The following SV2C variants were observed in gnomAD, a reference collection of about 807,000 sequenced individuals.
SV2C encodes the protein solute carrier family 22 member B3.
In SV2C, 49 loss-of-function variants were observed where a neutral mutation model predicts 79.7. The observed-to-expected ratio is 0.61, with a 90% CI of 0.49 to 0.78. SV2C has a LOEUF of 0.78. Among genes scored for constraint, SV2C ranks in the 30% least tolerant of loss-of-function variants. The pLI, the probability that SV2C is intolerant of heterozygous loss-of-function variation, is 0.00. For missense variants in SV2C, 833 were observed against 912.9 expected, an observed-to-expected ratio of 0.91 and a Z score of 1.13; for synonymous variants, 334 against 333.2, an observed-to-expected ratio of 1.00 and a Z score of -0.03.
chr5:76,075,428 C>G, the SV2C span: 1 of 153,348 alleles, frequency 6.5e-6, no homozygotes, highest in African/African-American at 2.4e-5. Context: ...TGAGCCCATT[C>G]CCTAAAGCCC....
At chr5:76,183,115 C>A (rs1323806115) in intron 2 of SV2C, among the ~76,000 whole-genome samples, 1 of 145,108 alleles carries the variant, frequency 6.9e-6, no homozygotes, top group Non-Finnish European at 1.5e-5. Flanking sequence ...TGGCTCACTG[C>A]ACCCTCCACC....
At chr5:76,061,470 TTAATTTCTAA>T in the SV2C span, among the ~76,000 whole-genome samples, 1 of 152,064 alleles carries the variant, frequency 6.6e-6, no homozygotes. Context: ...TTTCCCCATA[TTAATTTCTAA>T]TAATTTCTCA....
At chr5:76,092,737 G>A (rs1025917903) in intron 1 of SV2C, among the ~76,000 whole-genome samples, 19 of 152,138 alleles carry the variant, frequency 1.2e-4, no homozygotes, top group South Asian at 4.1e-4. Context: ...CTGTGGGCTG[G>A]GAATGTTCTC....
chr5:75,898,044 AT>A, the SV2C span, among the ~76,000 whole-genome samples: 1 of 151,974 alleles, frequency 6.6e-6, no homozygotes, highest in South Asian at 2.1e-4. Context: ...TCTTTTCCTA[AT>A]TGAATACCCT....
At chr5:75,955,114 T>A in the SV2C span, among the ~76,000 whole-genome samples, 1,489 of 148,850 alleles carry the variant, frequency 0.01, 36 homozygotes, top group African/African-American at 0.036. Context: ...AGAACAAAGC[T>A]GGAGGCATCA....
the SV2C span, among the ~76,000 whole-genome samples, chr5:76,003,435 A>G: frequency 6.6e-6 from 1 of 152,216 alleles, no homozygotes; most frequent in Non-Finnish European, 1.5e-5. Flanking sequence ...TATTATTATA[A>G]TAATTGCATT....
At chr5:75,975,905 G>T in the SV2C span, among the ~76,000 whole-genome samples, 1 of 152,140 alleles carries the variant, frequency 6.6e-6, no homozygotes, top group Non-Finnish European at 1.5e-5. Context: ...GAGAGAAGAA[G>T]CAGAGATTAT....
chr5:76,154,038 G>A (rs960413602), intron 2 of SV2C, among the ~76,000 whole-genome samples: 29 of 152,178 alleles, frequency 1.9e-4, no homozygotes, highest in African/African-American at 6.8e-4. Flanking sequence ...TGGACTACAA[G>A]GTAAAGAAAG....
intron 4 of SV2C, among the ~76,000 whole-genome samples, chr5:76,223,444 CATATATATAT>C (rs70979384): frequency 0.1 from 4,784 of 45,694 alleles, 197 homozygotes; most frequent in Non-Finnish European, 0.14. Context: ...TACATACATA[CATATATATAT>C]ATATATATAT....
chr5:76,155,382 TC>T (rs1462778572), intron 2 of SV2C, among the ~76,000 whole-genome samples: 1 of 152,118 alleles, frequency 6.6e-6, no homozygotes, highest in Non-Finnish European at 1.5e-5. Flanking sequence ...CCACTTTTCT[TC>T]CCCCACTCCA....
the SV2C span, among the ~76,000 whole-genome samples, chr5:75,916,940 C>A: frequency 6.6e-6 from 1 of 152,180 alleles, no homozygotes. Flanking sequence ...TGGACAAATA[C>A]CCCAACCTCC....
chr5:76,045,482 G>A, the SV2C span, among the ~76,000 whole-genome samples: 7 of 152,110 alleles, frequency 4.6e-5, no homozygotes, highest in African/African-American at 1.7e-4. Flanking sequence ...GAATAGCATT[G>A]AAACTATAAA....
intron 2 of SV2C, among the ~76,000 whole-genome samples, chr5:76,160,304 C>T (rs1395885634): frequency 6.6e-6 from 1 of 152,100 alleles, no homozygotes; most frequent in Admixed American, 6.5e-5. Flanking sequence ...AACTAGGAGG[C>T]ACTTAACACT....
intron 2 of SV2C, among the ~76,000 whole-genome samples, chr5:76,162,037 T>C (rs1742911675): frequency 6.6e-6 from 1 of 152,174 alleles, no homozygotes; most frequent in African/African-American, 2.4e-5. Context: ...GGGCTATTTA[T>C]AGTCTTTAGA....
the SV2C span, among the ~76,000 whole-genome samples, chr5:75,948,438 C>G: frequency 1.3e-5 from 2 of 152,074 alleles, no homozygotes; most frequent in African/African-American, 4.8e-5. Flanking sequence ...ATGATACACT[C>G]TGCTTTCATG....
intron 1 of SV2C, among the ~76,000 whole-genome samples, chr5:76,101,081 G>A (rs1267380270): frequency 2.8e-5 from 4 of 145,024 alleles, no homozygotes; most frequent in Non-Finnish European, 4.7e-5. Context: ...GATGCAGGAT[G>A]TATGAGGAGA....
chr5:76,153,544 CA>C (rs1742625851), intron 2 of SV2C, among the ~76,000 whole-genome samples: 1 of 152,112 alleles, frequency 6.6e-6, no homozygotes, highest in South Asian at 2.1e-4. Context: ...GATGGAGTTG[CA>C]AAGCCATGAT....
At chr5:75,949,620 C>A in the SV2C span, among the ~76,000 whole-genome samples, 1 of 151,986 alleles carries the variant, frequency 6.6e-6, no homozygotes, top group Non-Finnish European at 1.5e-5. Flanking sequence ...CTCACCAGAT[C>A]TGATGATTTT....
At chr5:75,941,057 G>A in the SV2C span, among the ~76,000 whole-genome samples, 1 of 152,038 alleles carries the variant, frequency 6.6e-6, no homozygotes, top group Non-Finnish European at 1.5e-5. Context: ...CTTTTTCTTG[G>A]AATTTCATAC....
Sources: allele counts gnomAD v4.1 joint callset (sites outside exome capture counted in the v4.1 genomes callset), GRCh38; gene constraint gnomAD v4.1.1; transcripts MANE v1.5; gene names NCBI Gene and HGNC (gene_info 2026-07-23, HGNC 2026-07-21).